The following GUCY1A2 variants were observed in gnomAD, a reference collection of about 807,000 sequenced individuals.
GUCY1A2 encodes the protein guanylate cyclase soluble subunit alpha-2.
GUCY1A2 carries 27 observed loss-of-function variants against 63.5 expected under a neutral mutation model. The observed-to-expected ratio is 0.43, with a 90% CI of 0.31 to 0.59. The LOEUF is 0.59. Ranked by LOEUF, GUCY1A2 falls within the 20% of genes least tolerant of loss-of-function variation. The probability of loss-of-function intolerance (pLI) is 0.11; values close to 1 mark genes in which losing one functional copy is unlikely to be tolerated. For missense variants in GUCY1A2, 768 were observed against 913.3 expected, an observed-to-expected ratio of 0.84 and a Z score of 2.05; for synonymous variants, 364 against 343.5, an observed-to-expected ratio of 1.06 and a Z score of -0.66.
intron 3 of GUCY1A2, among the ~76,000 whole-genome samples, chr11:106,965,006 A>T (rs1456387481): frequency 6.6e-6 from 1 of 152,076 alleles, no homozygotes; most frequent in Non-Finnish European, 1.5e-5. Flanking sequence ...ATATTTTTTA[A>T]TTCAGGGAGT....
At chr11:106,793,437 T>G (rs1044528695) in intron 5 of GUCY1A2, among the ~76,000 whole-genome samples, 3 of 152,108 alleles carry the variant, frequency 2.0e-5, no homozygotes, top group Admixed American at 2.0e-4. Context: ...GACACTGGCC[T>G]TAGCAATGAG....
intron 4 of GUCY1A2, among the ~76,000 whole-genome samples, chr11:106,890,492 G>A (rs1419835431): frequency 6.6e-6 from 1 of 152,092 alleles, no homozygotes; most frequent in Non-Finnish European, 1.5e-5. Flanking sequence ...CTCAGTAAAT[G>A]GCCATTGCTA....
chr11:106,987,066 C>T (rs1345120719), intron 1 of GUCY1A2, among the ~76,000 whole-genome samples: 2 of 151,930 alleles, frequency 1.3e-5, no homozygotes, highest in Non-Finnish European at 2.9e-5. Context: ...TTCTCAGTAG[C>T]AAGAGAGAGA....
chr11:106,783,412 A>C (rs1864499509), intron 5 of GUCY1A2, among the ~76,000 whole-genome samples: 1 of 152,220 alleles, frequency 6.6e-6, no homozygotes, highest in African/African-American at 2.4e-5. Context: ...AGTTGGCTAC[A>C]CTGATACCAG....
In GUCY1A2 at chr11:106,862,499, CA is replaced by C. The variant is rs1410540560; in HGVS notation, c.1207-52022del. ...AACTCTGTAAAAAACAAACAACAAA[CA>C]AAAAAACCAGCCTTTTCTATTGTGA... is the stretch of plus-strand genomic sequence containing the variant. On this transcript the variant is annotated intron_variant, in intron 4 of 7. Transcript: ENST00000526355. Among the ~76,000 whole-genome samples, 15 of 151,656 alleles carry C rather than the reference CA, an allele frequency of 9.9e-5. No individual in the cohort carries two copies. The East Asian group carries it at 2.9e-3, about 29-fold the overall frequency.
chr11:106,793,157 T>C (rs1483281703), intron 5 of GUCY1A2, among the ~76,000 whole-genome samples: 1 of 152,186 alleles, frequency 6.6e-6, no homozygotes, highest in African/African-American at 2.4e-5. Context: ...AGTATGGTGA[T>C]TGCATATAAA....
At position 106,917,661 on chromosome 11, in the gene GUCY1A2, GA is replaced by G. The variant is rs1860385598; in HGVS notation, c.1206+21798del. 2.1e-5 allele frequency among the ~76,000 whole-genome samples: 3 copies of G among 143,172 alleles called. No individual in the cohort carries two copies. The South Asian group carries it at 7.7e-4, about 37-fold the overall frequency. 93.9% of individuals were successfully genotyped at this position (143,172 alleles called of 152,430 possible). On this transcript the variant is annotated intron_variant, in intron 4 of 7. Coordinates refer to ENST00000526355, the MANE Select transcript of GUCY1A2 (RefSeq NM_000855.3). ...CTTTGTAGGGACGTGGATGAAGCTGGAAACCATCATTCTCAGTAAACTATCA... is the reference window on the plus strand; with the variant it reads ...CTTTGTAGGGACGTGGATGAAGCTGGAACCATCATTCTCAGTAAACTATCA...
chr11:106,973,130 A>G (rs968335723), intron 3 of GUCY1A2, among the ~76,000 whole-genome samples: 16 of 152,102 alleles, frequency 1.1e-4, no homozygotes, highest in African/African-American at 3.6e-4. Flanking sequence ...GCCACTACCT[A>G]AAGTCTCTGT....
intron 3 of GUCY1A2, among the ~76,000 whole-genome samples, chr11:106,947,951 A>G (rs1055932146): frequency 1.3e-5 from 2 of 152,104 alleles, no homozygotes; most frequent in African/African-American, 4.8e-5. Flanking sequence ...GCTGAAATTA[A>G]GAAAGAAAGT....
intron 4 of GUCY1A2, among the ~76,000 whole-genome samples, chr11:106,938,112 G>C (rs1269245762): frequency 2.0e-5 from 3 of 151,900 alleles, no homozygotes; most frequent in African/African-American, 4.8e-5. Flanking sequence ...TCGTTTTTTT[G>C]TGTTTTTGGT....
chr11:106,923,204 A>T (rs1860473185), intron 4 of GUCY1A2, among the ~76,000 whole-genome samples: 1 of 152,220 alleles, frequency 6.6e-6, no homozygotes, highest in African/African-American at 2.4e-5. Context: ...TCACTAATTA[A>T]TGGATGAATA....
intron 4 of GUCY1A2, among the ~76,000 whole-genome samples, chr11:106,854,383 T>G (rs1859398397): frequency 6.6e-6 from 1 of 152,070 alleles, no homozygotes; most frequent in Non-Finnish European, 1.5e-5. Context: ...GAAGTGCACA[T>G]GTGCAGTGGT....
At chr11:106,853,596 A>G (rs1324010293) in intron 4 of GUCY1A2, among the ~76,000 whole-genome samples, 1 of 152,078 alleles carries the variant, frequency 6.6e-6, no homozygotes, top group Non-Finnish European at 1.5e-5. Context: ...CTTGTATCTC[A>G]CTAAGTTTCC....
At chr11:106,913,622 C>T (rs1356364019) in intron 4 of GUCY1A2, among the ~76,000 whole-genome samples, 1 of 151,970 alleles carries the variant, frequency 6.6e-6, no homozygotes, top group African/African-American at 2.4e-5. Flanking sequence ...GTCAAACAAA[C>T]CATATTCAAA....
Position 106,677,913 on chromosome 11 carries a change from AT to A in GUCY1A2, c.*9635del, listed in dbSNP as rs922873660. 1.4e-4 allele frequency: 29 copies of A among 200,336 alleles called. No individual in the cohort carries two copies. The highest frequency in any genetic ancestry group is 7.2e-4 in the Admixed American group (12 of 16,560). The allele number at this position is 200,336 out of a possible 1,614,324, so 12.4% of individuals were successfully genotyped here. A position where few individuals can be genotyped will look rare whatever the true frequency, so the allele number is the denominator to read the frequency against. On this transcript the variant is annotated 3_prime_UTR_variant, in exon 8 of 8. Coordinates refer to ENST00000526355, the MANE Select transcript of GUCY1A2 (RefSeq NM_000855.3). ...TAATCATTTGGATTTTAGCAGGAGA[AT>A]TTTTTTTAGACAGAATAAAATTGTT...
chr11:106,838,914 C>T (rs1464870690), intron 4 of GUCY1A2, among the ~76,000 whole-genome samples: 1 of 151,922 alleles, frequency 6.6e-6, no homozygotes, highest in Non-Finnish European at 1.5e-5. Context: ...AATTTTCTCC[C>T]ATTCTGTAGG....
intron 5 of GUCY1A2, among the ~76,000 whole-genome samples, chr11:106,803,846 T>C (rs915622765): frequency 1.7e-4 from 26 of 152,190 alleles, no homozygotes; most frequent in Admixed American, 1.7e-3. Flanking sequence ...AAACATATCT[T>C]ACCCTTGCCT....
At chr11:106,897,179 GA>G (rs1304273082) in intron 4 of GUCY1A2, among the ~76,000 whole-genome samples, 1 of 151,994 alleles carries the variant, frequency 6.6e-6, no homozygotes, top group Non-Finnish European at 1.5e-5. Context: ...ACAAAACTCT[GA>G]TGAAAGAAAT....
intron 3 of GUCY1A2, among the ~76,000 whole-genome samples, chr11:106,957,887 T>C (rs1411261417): frequency 5.7e-5 from 2 of 35,056 alleles, no homozygotes; most frequent in African/African-American, 2.0e-4. Context: ...TTTTTTTTTT[T>C]TTCAGAAAAA....
Sources: gnomAD v4.1 joint callset for allele counts (sites outside exome capture counted in the v4.1 genomes callset) on GRCh38, gnomAD v4.1.1 for gene constraint, MANE v1.5 for transcripts, NCBI Gene and HGNC (gene_info 2026-07-23, HGNC 2026-07-21) for gene names.